CIMIP2C: variants seen among roughly 807,000 people sequenced by gnomAD.
CIMIP2C encodes UPF0573 protein C2orf70.
At chr2:26,570,492 A>G in the CIMIP2C span, among the ~76,000 whole-genome samples, 1 of 152,224 alleles carries the variant, frequency 6.6e-6, no homozygotes, top group Non-Finnish European at 1.5e-5. Context: ...AGACAAGTTC[A>G]TTCGGGTCTG....
At chr2:26,572,367 C>T in the CIMIP2C span, among the ~76,000 whole-genome samples, 52,868 of 141,432 alleles carry the variant, frequency 0.37, 9,800 homozygotes, top group East Asian at 0.62. Flanking sequence ...TTTTTTTTCT[C>T]TTGAATCATC....
the CIMIP2C span, among the ~76,000 whole-genome samples, chr2:26,564,800 TA>T: frequency 1.3e-5 from 2 of 152,298 alleles, no homozygotes; most frequent in East Asian, 3.9e-4. Context: ...GAGGCGAGAA[TA>T]TTCATGCTGG....
the CIMIP2C span, among the ~76,000 whole-genome samples, chr2:26,570,527 C>G: frequency 2.0e-5 from 3 of 152,194 alleles, no homozygotes; most frequent in South Asian, 6.2e-4. Flanking sequence ...GATGATAGTC[C>G]TCTCAGTGAG....
chr2:26,572,076 T>C, the CIMIP2C span: 2 of 1,536,004 alleles, frequency 1.3e-6, no homozygotes, highest in African/African-American at 1.4e-5. Flanking sequence ...ACTAAAGCCA[T>C]TATGTTGTAC....
At chr2:26,562,887 G>C in the CIMIP2C span, 1 of 576,116 alleles carries the variant, frequency 1.7e-6, no homozygotes, top group South Asian at 2.1e-5. Flanking sequence ...GGCCTCCCCA[G>C]ATTCCCCTTC....
chr2:26,568,185 TC>T, the CIMIP2C span, among the ~76,000 whole-genome samples: 1 of 152,182 alleles, frequency 6.6e-6, no homozygotes. Context: ...GTCCCTCAAT[TC>T]TTCTCCCTCT....
At chr2:26,579,047 C>G in the CIMIP2C span, 1 of 562,714 alleles carries the variant, frequency 1.8e-6, no homozygotes, top group Non-Finnish European at 3.3e-6. Context: ...ACACTTCTAG[C>G]AGGAGTTAGG....
chr2:26,576,256 CA>C, the CIMIP2C span: 1 of 1,485,518 alleles, frequency 6.7e-7, no homozygotes, highest in Non-Finnish European at 9.1e-7. Flanking sequence ...GGCCAGGGGC[CA>C]GGGGGAGACC....
At chr2:26,563,022 G>A in the CIMIP2C span, 10 of 337,404 alleles carry the variant, frequency 3.0e-5, no homozygotes, top group Admixed American at 1.9e-4. Context: ...GACGCCCCAG[G>A]CGGGCAGCCT....
the CIMIP2C span, among the ~76,000 whole-genome samples, chr2:26,575,533 C>G: frequency 6.6e-6 from 1 of 152,170 alleles, no homozygotes; most frequent in African/African-American, 2.4e-5. Context: ...AGCATCTAGG[C>G]AAAGACCTCT....
At chr2:26,575,904 AC>A in the CIMIP2C span, 1 of 1,612,224 alleles carries the variant, frequency 6.2e-7, no homozygotes, top group Non-Finnish European at 8.5e-7. Flanking sequence ...ATCGGCAGGT[AC>A]CAGGGCCACG....
At chr2:26,575,804 A>G in the CIMIP2C span, 1 of 1,435,508 alleles carries the variant, frequency 7.0e-7, no homozygotes, top group East Asian at 2.3e-5. Context: ...GATTACAGGC[A>G]TGAGCCACAG....
At chr2:26,562,682 C>T in the CIMIP2C span, 2 of 1,571,630 alleles carry the variant, frequency 1.3e-6, no homozygotes, top group South Asian at 1.2e-5. Flanking sequence ...TGGACTCATG[C>T]CCGGGTAAGG....
chr2:26,579,357 C>A, the CIMIP2C span: 1 of 1,614,078 alleles, frequency 6.2e-7, no homozygotes, highest in South Asian at 1.1e-5. Context: ...ACCTGAAGAC[C>A]TACCAGACCT....
chr2:26,567,370 A>G, the CIMIP2C span, among the ~76,000 whole-genome samples: 6 of 152,208 alleles, frequency 3.9e-5, no homozygotes, highest in Non-Finnish European at 8.8e-5. Flanking sequence ...CCGCCATGAG[A>G]ACAAGGACAT....
the CIMIP2C span, chr2:26,577,981 G>A: frequency 7.1e-6 from 2 of 282,316 alleles, no homozygotes; most frequent in Non-Finnish European, 6.6e-6. Flanking sequence ...CCGATGCAGA[G>A]CGCAGTAAGG....
the CIMIP2C span, among the ~76,000 whole-genome samples, chr2:26,572,348 GGT>G: frequency 1.0e-4 from 5 of 48,904 alleles, no homozygotes; most frequent in African/African-American, 3.2e-4. Flanking sequence ...TTACTGAGTT[GGT>G]TTTTTTTTTT....
At chr2:26,566,075 G>A in the CIMIP2C span, among the ~76,000 whole-genome samples, 1 of 152,236 alleles carries the variant, frequency 6.6e-6, no homozygotes, top group Admixed American at 6.5e-5. Context: ...AGTCGGATCT[G>A]GGTGGCATCC....
chr2:26,570,548 G>C, the CIMIP2C span, among the ~76,000 whole-genome samples: 1 of 152,224 alleles, frequency 6.6e-6, no homozygotes, highest in Non-Finnish European at 1.5e-5. Context: ...GCAGGTGCTA[G>C]GTACAGGGTG....
Sources: gnomAD v4.1 joint callset for allele counts (sites outside exome capture counted in the v4.1 genomes callset) on GRCh38, gnomAD v4.1.1 for gene constraint, MANE v1.5 for transcripts, NCBI Gene and HGNC (gene_info 2026-07-23, HGNC 2026-07-21) for gene names.